CHRDL2: variants seen among roughly 807,000 people sequenced by gnomAD.
The protein encoded by CHRDL2 is chordin like 2.
In CHRDL2, 41 loss-of-function variants were observed where a neutral mutation model predicts 54.3. The observed-to-expected ratio is 0.76, with a 90% CI of 0.59 to 0.98. The LOEUF (loss-of-function observed/expected upper bound fraction) is 0.98, where lower values mean the gene tolerates loss of function less well. Among genes scored for constraint, CHRDL2 ranks in the 50% least tolerant of loss-of-function variants. The pLI is 0.00. For synonymous variants in CHRDL2, 220 were observed against 224.3 expected, an observed-to-expected ratio of 0.98 and a Z score of 0.17; for missense variants, 518 against 562.4, an observed-to-expected ratio of 0.92 and a Z score of 0.80.
At chr11:74,716,037 T>C (rs1436399629) in intron 2 of CHRDL2, among the ~76,000 whole-genome samples, 1 of 152,026 alleles carries the variant, frequency 6.6e-6, no homozygotes, top group Non-Finnish European at 1.5e-5. Flanking sequence ...TTAATAGGGG[T>C]AGACTGTTAG....
chr11:74,697,783 G>C, intron 9 of CHRDL2: 1 of 297,300 alleles, frequency 3.4e-6, no homozygotes, highest in East Asian at 9.4e-5. Context: ...AGAAAGGAAA[G>C]AGAAGGAGGG....
At chr11:74,704,395 G>T in intron 7 of CHRDL2, 91 bp downstream of exon 7, 1 of 1,275,616 alleles carries the variant, frequency 7.8e-7, no homozygotes, top group Non-Finnish European at 1.1e-6. Flanking sequence ...GAACTGCTGA[G>T]GAGAGGGTTC....
At chr11:74,719,862 C>G (rs545798203) in intron 1 of CHRDL2, among the ~76,000 whole-genome samples, 245 of 152,158 alleles carry the variant, frequency 1.6e-3, no homozygotes, top group Non-Finnish European at 3.1e-3. Flanking sequence ...TACCCACTCA[C>G]CTCCAGCCCT....
chr11:74,701,961 C>G (rs886595384), intron 9 of CHRDL2, among the ~76,000 whole-genome samples: 2 of 152,136 alleles, frequency 1.3e-5, no homozygotes, highest in Non-Finnish European at 2.9e-5. Flanking sequence ...ATTTCCTTAT[C>G]GATGAAAACC....
At chr11:74,729,036 A>G (rs1252995116) in intron 1 of CHRDL2, among the ~76,000 whole-genome samples, 1 of 152,214 alleles carries the variant, frequency 6.6e-6, no homozygotes, top group Non-Finnish European at 1.5e-5. Flanking sequence ...AGTTTGCTTG[A>G]AGAGGTGTGA....
chr11:74,708,552 C>T (rs2034088896), intron 4 of CHRDL2, among the ~76,000 whole-genome samples, 157 bp from the exon 5 acceptor site: 1 of 152,198 alleles, frequency 6.6e-6, no homozygotes. Flanking sequence ...CCGGCCAGCT[C>T]AGAGGAGGGG....
rs56835377 is a variant in CHRDL2 at position 74,698,676 on chromosome 11, TACACACACAC to T, written c.1121-1389_1121-1380del. 2.8e-3 allele frequency: 385 copies of T among 136,328 alleles called. 2 individuals are homozygous for T. Among genetic ancestry groups the T allele is most frequent in the Middle Eastern group, 0.019 (5 of 270 alleles). The allele number at this position is 136,328 out of a possible 1,614,324, so 8.4% of individuals were successfully genotyped here. A position where few individuals can be genotyped will look rare whatever the true frequency, so the allele number is the denominator to read the frequency against. On this transcript the variant is annotated intron_variant, in intron 9 of 10. Coordinates refer to ENST00000376332, the MANE Select transcript of CHRDL2 (RefSeq NM_001278473.3). ...ATGGATGGATAGATAGATGAACAAA[TACACACACAC>T]ACACACACACACACACACACACACA...
At chr11:74,716,636 C>T (rs749805069) in intron 2 of CHRDL2, among the ~76,000 whole-genome samples, 1 of 150,224 alleles carries the variant, frequency 6.7e-6, no homozygotes, top group Non-Finnish European at 1.5e-5. Context: ...ACTTTAGGTC[C>T]AATGAAAAGC....
intron 9 of CHRDL2, chr11:74,697,646 C>A: frequency 6.4e-6 from 3 of 465,570 alleles, no homozygotes; most frequent in Non-Finnish European, 4.3e-6. Flanking sequence ...CACAGTGAAG[C>A]CTGTTTTCTT....
Position 74,730,916 on chromosome 11 carries a change from C to G in CHRDL2, c.-28G>C. On this transcript the variant is annotated 5_prime_UTR_variant, in exon 1 of 11. Coordinates refer to ENST00000376332, the MANE Select transcript of CHRDL2 (RefSeq NM_001278473.3). ...TTTCCCCAGGGTCAGGCCGCTGGTC[C>G]GGGAGCGGAGTCGGGAGGAAGGGAG... The G allele has an allele frequency of 6.3e-7, 1 of 1,582,922 alleles. No individual in the cohort carries two copies. The highest frequency in any genetic ancestry group is 1.2e-5 in the South Asian group (1 of 86,696).
intron 9 of CHRDL2, chr11:74,699,059 C>T (rs2033709527): frequency 1.3e-5 from 2 of 152,368 alleles, no homozygotes; most frequent in Admixed American, 6.5e-5. Context: ...CCAGCACTGT[C>T]CATGGACCCC....
chr11:74,708,245 C>G, intron 5 of CHRDL2, 57 bp downstream of exon 5: 2 of 1,235,584 alleles, frequency 1.6e-6, no homozygotes, highest in Middle Eastern at 2.6e-4. Context: ...CAGTCCATGG[C>G]TAGGCCCATG....
chr11:74,697,840 C>G (rs1465593714), intron 9 of CHRDL2: 2 of 304,902 alleles, frequency 6.6e-6, no homozygotes, highest in Non-Finnish European at 1.3e-5. Context: ...TTGGCTGGCT[C>G]ATGTGAACTG....
At chr11:74,706,607 G>A in intron 5 of CHRDL2, 65 bp from the exon 6 acceptor site, 1 of 1,484,602 alleles carries the variant, frequency 6.7e-7, no homozygotes, top group Non-Finnish European at 9.4e-7. Context: ...AGAGCCCTGA[G>A]GCCTCCACCT....
chr11:74,704,754 A>T, intron 6 of CHRDL2, 100 bp from the exon 7 acceptor site: 2 of 1,207,910 alleles, frequency 1.7e-6, no homozygotes, highest in African/African-American at 3.0e-5. Context: ...CTGTGGGGAG[A>T]CCCCAGCATG....
rs924335570 is a variant in CHRDL2 at position 74,725,607 on chromosome 11, A to G, written c.82+5200T>C. 7.3e-5 allele frequency among the ~76,000 whole-genome samples: 11 copies of G among 151,524 alleles called. No homozygotes were observed. In the South Asian group the frequency reaches 2.1e-3, roughly 29 times the overall value. On this transcript the variant is annotated intron_variant, in intron 1 of 10. Coordinates refer to ENST00000376332, the MANE Select transcript of CHRDL2 (RefSeq NM_001278473.3). The stretch of plus-strand genomic sequence containing the variant: ...CTTGAAACTCTCATGCTGTGATAAA[A>G]GGTTTTTTTATGGTGGTCAGTTAGA...
At chr11:74,711,255 A>C (rs2034184791) in intron 3 of CHRDL2, among the ~76,000 whole-genome samples, 1 of 152,132 alleles carries the variant, frequency 6.6e-6, no homozygotes, top group Admixed American at 6.5e-5. Flanking sequence ...AGCCCCAACC[A>C]GAGCAAGAAG....
chr11:74,725,072 C>T (rs918388276), intron 1 of CHRDL2, among the ~76,000 whole-genome samples: 1 of 152,050 alleles, frequency 6.6e-6, no homozygotes, highest in South Asian at 2.1e-4. Context: ...CTGCTCACTG[C>T]AACCTCCGCC....
chr11:74,713,570 G>T, intron 2 of CHRDL2, 91 bp from the exon 3 acceptor site: 3 of 989,624 alleles, frequency 3.0e-6, no homozygotes, highest in Non-Finnish European at 3.1e-6. Flanking sequence ...CCCAACTGCA[G>T]AAGTCTGAAC....
Sources: allele counts gnomAD v4.1 joint callset (sites outside exome capture counted in the v4.1 genomes callset), GRCh38; gene constraint gnomAD v4.1.1; transcripts MANE v1.5; gene names NCBI Gene and HGNC (gene_info 2026-07-23, HGNC 2026-07-21).